The following GSDMC variants were observed in gnomAD, a reference collection of about 807,000 sequenced individuals.
GSDMC encodes gasdermin C, also known as gasdermin-C.
GSDMC carries 59 observed loss-of-function variants against 58.0 expected under a neutral mutation model. The ratio of observed to expected loss-of-function variants is 1.02; its 90% CI spans 0.82 to 1.26. GSDMC has a LOEUF of 1.26. Ranked by LOEUF, GSDMC falls within the 50% of genes most tolerant of loss-of-function variation. GSDMC has a pLI of 0.00. For synonymous variants in GSDMC, 241 were observed against 220.2 expected, an observed-to-expected ratio of 1.09 and a Z score of -0.83; for missense variants, 659 against 598.5, an observed-to-expected ratio of 1.10 and a Z score of -1.06.
Position 129,752,822 on chromosome 8 carries a change from T to C in GSDMC, c.722-2A>G. 6.2e-7 allele frequency: 1 copy of C among 1,614,070 alleles called. No homozygotes were observed. Among genetic ancestry groups the C allele is most frequent in the Non-Finnish European group, 8.5e-7 (1 of 1,179,960 alleles). On this transcript the variant is annotated splice_acceptor_variant, in intron 6 of 13. Transcript: ENST00000276708. LOFTEE classifies it high-confidence loss of function. ...CTACCATTTCGGAAATTTCGTACTC[T>C]TGGGAGAGAGGGAGAGCAGAATGAC...
At chr8:129,767,845 C>G (rs1402336815) in intron 3 of GSDMC, among the ~76,000 whole-genome samples, 1 of 152,174 alleles carries the variant, frequency 6.6e-6, no homozygotes, top group African/African-American at 2.4e-5. Flanking sequence ...CCTACCCAAC[C>G]AGGGAAAATT....
At chr8:129,720,462 C>CAT in the GSDMC span, among the ~76,000 whole-genome samples, 2 of 152,086 alleles carry the variant, frequency 1.3e-5, no homozygotes, top group African/African-American at 2.4e-5. Flanking sequence ...CTGTAATAAA[C>CAT]ATATACACGT....
intron 11 of GSDMC, 149 bp from the exon 12 acceptor site, chr8:129,750,268 G>A (rs1179645639): frequency 7.4e-5 from 75 of 1,015,312 alleles, no homozygotes; most frequent in Non-Finnish European, 7.5e-5. Flanking sequence ...TAGTGGGGGC[G>A]ACACTTCCCT....
intron 3 of GSDMC, among the ~76,000 whole-genome samples, chr8:129,770,052 T>G (rs1430812761): frequency 6.6e-6 from 1 of 152,224 alleles, no homozygotes; most frequent in Non-Finnish European, 1.5e-5. Flanking sequence ...TATAAAAATG[T>G]TTTACGTATA....
Position 129,748,504 on chromosome 8 carries a change from G to A in GSDMC, c.1524C>T (p.Ala508=), listed in dbSNP as rs2033028074. ...CTGACTGCCCATCAGGGAGGGCTTAGGCCTCAGCCAGCTGCTGCAGCAACG... is the reference window on the plus strand; with the variant it reads ...CTGACTGCCCATCAGGGAGGGCTTAAGCCTCAGCCAGCTGCTGCAGCAACG... ...TLSLLQQLAE[A] is the part of the protein sequence containing the mutation. The change falls in exon 14 of 14, where the codon GCC becomes GCT. Residue 508 remains alanine, a synonymous_variant. Coordinates refer to ENST00000276708, the MANE Select transcript of GSDMC (RefSeq NM_031415.3). The A allele has an allele frequency of 6.2e-7, 1 of 1,603,174 alleles. No individual in the cohort carries two copies.
At chr8:129,768,038 T>A (rs1343065875) in intron 3 of GSDMC, among the ~76,000 whole-genome samples, 1 of 152,018 alleles carries the variant, frequency 6.6e-6, no homozygotes, top group Non-Finnish European at 1.5e-5. Flanking sequence ...CCCGCCTGAA[T>A]GCAGAGCCCA....
At chr8:129,755,692 A>C (rs1414470212) in intron 6 of GSDMC, among the ~76,000 whole-genome samples, 1 of 152,150 alleles carries the variant, frequency 6.6e-6, no homozygotes, top group Non-Finnish European at 1.5e-5. Flanking sequence ...AAAGACAAAC[A>C]ACAAGAAGTT....
chr8:129,765,748 C>T lies in GSDMC; in HGVS notation c.450G>A (p.Arg150=), dbSNP rs2033834594. 1 of 1,613,896 alleles carries T rather than the reference C, an allele frequency of 6.2e-7. No individual in the cohort carries two copies. ...PEPSFLKECR[R]RGDNLYVVTE... is the part of the protein sequence containing the mutation. ...TCACCACGTACAGGTTGTCCCCTCT[C>T]CTCCGGCACTCCTTCAGAAATGATG... is the stretch of plus-strand genomic sequence containing the variant. The change falls in exon 4 of 14, where the codon AGG becomes AGA. Residue 150 remains arginine, a synonymous_variant. Transcript: ENST00000276708.
At chr8:129,753,248 G>A (rs896840775) in intron 6 of GSDMC, among the ~76,000 whole-genome samples, 1 of 152,156 alleles carries the variant, frequency 6.6e-6, no homozygotes, top group Non-Finnish European at 1.5e-5. Flanking sequence ...CATTCCCTTT[G>A]TTTAAGTGAA....
chr8:129,746,516 A>T (rs530922567), downstream of GSDMC, among the ~76,000 whole-genome samples: 4 of 152,368 alleles, frequency 2.6e-5, no homozygotes, highest in East Asian at 7.7e-4. Context: ...AGAATATAAA[A>T]GATATTTAAT....
the GSDMC span, among the ~76,000 whole-genome samples, chr8:129,710,359 T>A: frequency 5.5e-4 from 84 of 152,318 alleles, no homozygotes; most frequent in African/African-American, 1.9e-3. Context: ...ATAAAGGAAG[T>A]GCCACATCCT....
chr8:129,754,004 A>G (rs1056047147), intron 6 of GSDMC, among the ~76,000 whole-genome samples: 7 of 152,218 alleles, frequency 4.6e-5, no homozygotes, highest in African/African-American at 1.4e-4. Context: ...AGGTAAATTT[A>G]TAAGATATTT....
chr8:129,730,470 T>C, the GSDMC span: 11 of 912,742 alleles, frequency 1.2e-5, no homozygotes, highest in Non-Finnish European at 1.7e-5. Context: ...CATACACTTT[T>C]GTAGCTTAGA....
At chr8:129,742,156 T>C in the GSDMC span, among the ~76,000 whole-genome samples, 1 of 151,926 alleles carries the variant, frequency 6.6e-6, no homozygotes, top group African/African-American at 2.4e-5. Flanking sequence ...ATGGGGGTTA[T>C]TGAAGAGATG....
At position 129,749,993 on chromosome 8, in the gene GSDMC, T is replaced by C. The variant is rs958243335; in HGVS notation, c.1210A>G (p.Met404Val). 4 of 1,593,126 alleles carry C rather than the reference T, an allele frequency of 2.5e-6. No individual in the cohort carries two copies. The highest frequency in any genetic ancestry group is 3.4e-6 in the Non-Finnish European group (4 of 1,173,854). ...TCTTCCCTTTAATTACTCTTACCCATTATGGCTTCAAGGAGATAAAGAATG... is the reference window on the plus strand; with the variant it reads ...TCTTCCCTTTAATTACTCTTACCCACTATGGCTTCAAGGAGATAAAGAATG... ...DPILYLLEAI[M>V]VLSDFQHDLL... The change falls in exon 12 of 14, where the codon ATG becomes GTG. Residue 404 changes from methionine to valine, a missense_variant. Met to Val is a conservative substitution (Grantham distance 21). Transcript: ENST00000276708.
At chr8:129,762,529 G>T (rs1033493262) in intron 5 of GSDMC, 97 bp downstream of exon 5, 39 of 784,988 alleles carry the variant, frequency 5.0e-5, no homozygotes, top group Admixed American at 7.1e-5. Context: ...GAGCATCAAA[G>T]GTTGCATACT....
chr8:129,741,685 A>C, the GSDMC span, among the ~76,000 whole-genome samples: 1 of 152,100 alleles, frequency 6.6e-6, no homozygotes. Flanking sequence ...TGTTGCTGGG[A>C]ATGTAAATTA....
chr8:129,773,262 T>A (rs2034117419), intron 3 of GSDMC, among the ~76,000 whole-genome samples: 1 of 152,104 alleles, frequency 6.6e-6, no homozygotes, highest in South Asian at 2.1e-4. Flanking sequence ...GCACTGGAAA[T>A]GCTTGCCAGT....
the GSDMC span, among the ~76,000 whole-genome samples, chr8:129,716,600 AC>A: frequency 6.6e-6 from 1 of 152,086 alleles, no homozygotes. Flanking sequence ...CTATTTAAAT[AC>A]CCTTTATTTC....
Sources: gnomAD v4.1 joint callset for allele counts (sites outside exome capture counted in the v4.1 genomes callset) on GRCh38, gnomAD v4.1.1 for gene constraint, MANE v1.5 for transcripts, NCBI Gene and HGNC (gene_info 2026-07-23, HGNC 2026-07-21) for gene names.